PTPN7: variants seen among roughly 807,000 people sequenced by gnomAD.
The protein encoded by PTPN7 is protein tyrosine phosphatase non-receptor type 7, also known as tyrosine-protein phosphatase non-receptor type 7.
PTPN7 carries 33 observed loss-of-function variants against 50.3 expected under a neutral mutation model. That is an observed-to-expected ratio of 0.66 (90% CI 0.50 to 0.88). PTPN7 has a LOEUF of 0.88. Among genes scored for constraint, PTPN7 ranks in the 40% least tolerant of loss-of-function variants. The pLI is 0.00. For missense variants in PTPN7, 412 were observed against 475.4 expected, an observed-to-expected ratio of 0.87 and a Z score of 1.24; for synonymous variants, 185 against 186.6, an observed-to-expected ratio of 0.99 and a Z score of 0.07.
chr1:202,160,120 G>A lies in PTPN7; in HGVS notation c.-53+425C>T, dbSNP rs978680791. ...ACCAAGCCCTTGAACGACAGCGCAT[G>A]GTGAGGCGACAGCTGGGGGCAAGAC... On this transcript the variant is annotated intron_variant, in intron 1 of 9. Transcript: ENST00000691036. This position sits in a 1 kb window ranked among gnomAD's most constrained non-coding sequence, Gnocchi z 4.8. 1.2e-5 allele frequency: 5 copies of A among 413,504 alleles called. No individual in the cohort carries two copies. Among genetic ancestry groups the A allele is most frequent in the Non-Finnish European group, 1.7e-5 (5 of 300,098 alleles). 25.6% of individuals were successfully genotyped at this position (413,504 alleles called of 1,614,324 possible).
rs1312575782 is a variant in PTPN7, at chr1:202,159,899, T to G, written c.-52-445A>C. ...AGAGAATGGAGGCCTCCAGCAGTGT[T>G]GGAGCTGGTTGGGCAGCCAGGCAGG... On this transcript the variant is annotated intron_variant, in intron 1 of 9. Transcript: ENST00000691036. This position sits in a 1 kb window ranked among gnomAD's most constrained non-coding sequence, Gnocchi z 4.6. The G allele has an allele frequency of 9.8e-7, 1 of 1,015,884 alleles. No individual in the cohort carries two copies. Among genetic ancestry groups the G allele is most frequent in the Non-Finnish European group, 1.2e-6 (1 of 849,506 alleles). 62.9% of individuals were successfully genotyped at this position (1,015,884 alleles called of 1,614,324 possible). A position where few individuals can be genotyped will look rare whatever the true frequency, so the allele number is the denominator to read the frequency against.
At position 202,159,798 on chromosome 1, in the gene PTPN7, T is replaced by C. The variant is rs2147855617; in HGVS notation, c.-52-344A>G. On this transcript the variant is annotated intron_variant, in intron 1 of 9. Transcript: ENST00000691036. The surrounding 1 kb of genome is among the most constrained non-coding windows in gnomAD (Gnocchi z 4.6). ...AGAAGGCAAGGGAGGAAACAGAAAA[T>C]ATGTGTTCTCTAGGACGGAAGGGAG... 1 of 1,198,084 alleles carries C rather than the reference T, an allele frequency of 8.3e-7. No homozygotes were observed. The highest frequency in any genetic ancestry group is 1.0e-6 in the Non-Finnish European group (1 of 963,854). The allele number at this position is 1,198,084 out of a possible 1,614,324, so 74.2% of individuals were successfully genotyped here.
intron 8 of PTPN7, among the ~76,000 whole-genome samples, chr1:202,151,072 G>T (rs1476492338): frequency 6.6e-6 from 1 of 152,108 alleles, no homozygotes; most frequent in Non-Finnish European, 1.5e-5. Context: ...ACTCCCAAAT[G>T]GTCCCTTTCT....
chr1:202,148,847 CTTTT>C (rs10652170), intron 9 of PTPN7, 148 bp from the exon 10 acceptor site: 342 of 137,296 alleles, frequency 2.5e-3, no homozygotes, highest in Middle Eastern at 0.011. Flanking sequence ...CATCTTTTCA[CTTTT>C]TTTTTTTTTT....
chr1:202,158,080 G>C (rs148063711), intron 3 of PTPN7, 38 bp downstream of exon 3: 22 of 1,529,604 alleles, frequency 1.4e-5, no homozygotes, highest in Non-Finnish European at 1.7e-5. Flanking sequence ...CTCTGATACA[G>C]AGGGCAGAGC....
In PTPN7 at chr1:202,159,253, A is replaced by G. The variant is rs1246109756; in HGVS notation, c.122+28T>C. On this transcript the variant is annotated intron_variant, in intron 2 of 9. Transcript: ENST00000691036. The surrounding 1 kb of genome is among the most constrained non-coding windows in gnomAD (Gnocchi z 4.6). ...AGCGGAATGGGGGCTCAGGGCTCGGAAGACCCCTCCCCCAGGGAAGATCTC... is the reference window on the plus strand; with the variant it reads ...AGCGGAATGGGGGCTCAGGGCTCGGGAGACCCCTCCCCCAGGGAAGATCTC... 3 of 1,607,084 alleles carry G rather than the reference A, an allele frequency of 1.9e-6. No individual in the cohort carries two copies. The Middle Eastern group carries it at 5.1e-4, about 275-fold the overall frequency.
At chr1:202,153,949 G>A in intron 6 of PTPN7, 114 bp from the exon 7 acceptor site, 1 of 1,018,026 alleles carries the variant, frequency 9.8e-7, no homozygotes, top group Non-Finnish European at 1.5e-6. Flanking sequence ...TGGGAGGTCA[G>A]CAACAGGGAG....
chr1:202,152,500 G>A (rs1363104088), intron 8 of PTPN7, 42 bp downstream of exon 8: 2 of 1,597,972 alleles, frequency 1.3e-6, no homozygotes, highest in Admixed American at 3.4e-5. Context: ...GCAGGGGAGG[G>A]GAGCACAGTC....
rs1655581514 is a variant in PTPN7, at chr1:202,148,634, C to A, written c.1055G>T (p.Gly352Val). 2 of 1,613,764 alleles carry A rather than the reference C, an allele frequency of 1.2e-6. No individual in the cohort carries two copies. Among genetic ancestry groups the A allele is most frequent in the African/African-American group, 2.7e-5 (2 of 74,912 alleles). Residue 352 changes from glycine (G) to valine (V), a missense_variant, in exon 10 of 10, where the codon GGC becomes GTC. Transcript: ENST00000691036. ...GGGGCTGGGTTCCTCAGGCAGCTGG[C>A]CTGCATACAGGGCCAAAGTGTGGTG... ...FLHHTLALYAGQLPEEPSP is the reference protein window; with the variant it reads ...FLHHTLALYAVQLPEEPSP
At position 202,150,325 on chromosome 1, in the gene PTPN7, T is replaced by C; in HGVS notation, c.975A>G (p.Gln325=). The change falls in exon 9 of 10, where the codon CAA becomes CAG. Residue 325 remains glutamine, a synonymous_variant. Transcript: ENST00000691036. The part of the protein sequence containing the change: ...GEVDILGIVC[Q]LRLDRGGMIQ... Reference sequence around the variant, plus strand: ...CACAGACCCACCTGTCTAGCCGCAGTTGGCACACAATACCCAGAATGTCCA... The same window carrying C: ...CACAGACCCACCTGTCTAGCCGCAGCTGGCACACAATACCCAGAATGTCCA... 6 of 1,612,106 alleles carry C rather than the reference T, an allele frequency of 3.7e-6. No homozygotes were observed. The highest frequency in any genetic ancestry group is 5.1e-6 in the Non-Finnish European group (6 of 1,179,040).
chr1:202,158,786 CTT>C (rs533403948), intron 2 of PTPN7: 173 of 138,992 alleles, frequency 1.2e-3, no homozygotes, highest in South Asian at 2.0e-3. Flanking sequence ...TGTGTGCCCT[CTT>C]TTTTTTTTTT....
Position 202,159,008 on chromosome 1 carries a change from C to T in PTPN7, c.122+273G>A. Reference sequence around the variant, plus strand: ...CTGCCTGCCTCTTCCCACTCCCAGCCAGGCCCTGTGGCTCCGACATGCATC... The same window carrying T: ...CTGCCTGCCTCTTCCCACTCCCAGCTAGGCCCTGTGGCTCCGACATGCATC... On this transcript the variant is annotated intron_variant, in intron 2 of 9. Transcript: ENST00000691036. The surrounding 1 kb of genome is among the most constrained non-coding windows in gnomAD (Gnocchi z 4.6). 2.1e-6 allele frequency: 1 copy of T among 466,970 alleles called. No individual in the cohort carries two copies. The highest frequency in any genetic ancestry group is 3.9e-6 in the Non-Finnish European group (1 of 256,430). 28.9% of individuals were successfully genotyped at this position (466,970 alleles called of 1,614,324 possible).
chr1:202,149,394 T>C (rs1329520556), intron 9 of PTPN7, among the ~76,000 whole-genome samples: 1 of 152,238 alleles, frequency 6.6e-6, no homozygotes, highest in African/African-American at 2.4e-5. Context: ...AAAATAATGA[T>C]TCCATACATT....
In PTPN7 at chr1:202,148,639, A is replaced by G; in HGVS notation, c.1050T>C (p.Tyr350=). The change falls in exon 10 of 10, where the codon TAT becomes TAC. Residue 350 remains tyrosine, a synonymous_variant. Transcript: ENST00000691036. Reference sequence around the variant, plus strand: ...TGGGTTCCTCAGGCAGCTGGCCTGCATACAGGGCCAAAGTGTGGTGCAGGA... The same window carrying G: ...TGGGTTCCTCAGGCAGCTGGCCTGCGTACAGGGCCAAAGTGTGGTGCAGGA... ...YQFLHHTLAL[Y]AGQLPEEPSP 6.2e-7 allele frequency: 1 copy of G among 1,613,952 alleles called. No homozygotes were observed. The highest frequency in any genetic ancestry group is 8.5e-7 in the Non-Finnish European group (1 of 1,179,912).
At chr1:202,154,378 G>A in intron 5 of PTPN7, 55 bp from the exon 6 acceptor site, 15 of 1,564,348 alleles carry the variant, frequency 9.6e-6, no homozygotes, top group Non-Finnish European at 1.3e-5. Flanking sequence ...CAGAGCTCTG[G>A]GGAGATCCTA....
At chr1:202,150,925 A>AC (rs1432394820) in intron 8 of PTPN7, among the ~76,000 whole-genome samples, 1 of 150,492 alleles carries the variant, frequency 6.6e-6, no homozygotes, top group Admixed American at 6.6e-5. Context: ...TTATTTCAAA[A>AC]CCCCCTAGGC....
At chr1:202,157,992 C>T in intron 3 of PTPN7, 126 bp downstream of exon 3, 1 of 1,335,160 alleles carries the variant, frequency 7.5e-7, no homozygotes, top group South Asian at 1.4e-5. Flanking sequence ...TCCCTCAGCC[C>T]TGAAGTTCTC....
At chr1:202,152,465 C>A in intron 8 of PTPN7, 77 bp downstream of exon 8, 1 of 1,515,168 alleles carries the variant, frequency 6.6e-7, no homozygotes, top group Non-Finnish European at 8.9e-7. Context: ...TCTGCTCAGA[C>A]CCTTCCCCAG....
In PTPN7 at chr1:202,158,181, G is replaced by A. The variant is rs1571761053; in HGVS notation, c.243C>T (p.Pro81=). 14 of 1,613,448 alleles carry A rather than the reference G, an allele frequency of 8.7e-6. No individual in the cohort carries two copies. Among genetic ancestry groups the A allele is most frequent in the Non-Finnish European group, 1.2e-5 (14 of 1,179,738 alleles). The change falls in exon 3 of 10, where the codon CCC becomes CCT. Residue 81 remains proline (P), a synonymous_variant. Coordinates refer to ENST00000691036, the MANE Select transcript of PTPN7 (RefSeq NM_002832.4). ...GGCGCTGAAGGGCCCAGCGGGTAAG[G>A]GGGTGTCCAGCAGTGCGCAGAAAGT... ...TLHFLRTAGH[P]LTRWALQRQP... is the part of the protein sequence containing the mutation.
Sources: gnomAD v4.1 joint callset for allele counts (sites outside exome capture counted in the v4.1 genomes callset) on GRCh38, gnomAD v4.1.1 for gene constraint, Gnocchi (gnomAD v3.1) non-coding constraint, MANE v1.5 for transcripts, NCBI Gene and HGNC (gene_info 2026-07-23, HGNC 2026-07-21) for gene names.